INTS4: variants seen among roughly 807,000 people sequenced by gnomAD.
The protein encoded by INTS4 is MSTP093.
INTS4 carries 70 observed loss-of-function variants against 119.5 expected under a neutral mutation model. The ratio of observed to expected loss-of-function variants is 0.59; its 90% CI spans 0.48 to 0.71. INTS4 has a LOEUF of 0.71. Ranked by LOEUF, INTS4 falls within the 30% of genes least tolerant of loss-of-function variation. The pLI is 0.00. For missense variants in INTS4, 867 were observed against 1,173.2 expected, an observed-to-expected ratio of 0.74 and a Z score of 3.81; for synonymous variants, 316 against 419.6, an observed-to-expected ratio of 0.75 and a Z score of 3.02.
At position 77,962,473 on chromosome 11, in the gene INTS4, C is replaced by T. The variant is rs542821461; in HGVS notation, c.472-1335G>A. On this transcript the variant is annotated intron_variant, in intron 4 of 22. Coordinates refer to ENST00000534064, the MANE Select transcript of INTS4 (RefSeq NM_033547.4). ...GTTTTCCTCCTGCATTACCCTAGTC[C>T]AATGCTACTAAAACAAGCTATTTGC... Among the ~76,000 whole-genome samples the T allele has an allele frequency of 1.4e-4, 22 of 152,152 alleles. No homozygotes were observed. In the South Asian group the frequency reaches 4.6e-3, roughly 32 times the overall value.
chr11:77,990,484 G>A (rs758434829), intron 2 of INTS4, among the ~76,000 whole-genome samples: 6 of 151,370 alleles, frequency 4.0e-5, no homozygotes, highest in Admixed American at 2.6e-4. Flanking sequence ...TCAGGAGTTC[G>A]AGACCAGCCT....
Position 77,960,399 on chromosome 11 carries a change from A to T in INTS4, c.658-8T>A. The T allele has an allele frequency of 1.3e-6, 2 of 1,564,054 alleles. No individual in the cohort carries two copies. Among genetic ancestry groups the T allele is most frequent in the South Asian group, 1.1e-5 (1 of 88,856 alleles). On this transcript the variant is annotated splice_polypyrimidine_tract_variant and splice_region_variant and intron_variant, in intron 5 of 22. Transcript: ENST00000534064. ...TCTTTCATGGAGCTGCAACTAGATAATAAATATATAGTTTAAGTGCTTGGG... is the reference window on the plus strand; with the variant it reads ...TCTTTCATGGAGCTGCAACTAGATATTAAATATATAGTTTAAGTGCTTGGG...
intron 4 of INTS4, among the ~76,000 whole-genome samples, chr11:77,973,846 A>G (rs1379091954): frequency 6.6e-6 from 1 of 152,156 alleles, no homozygotes; most frequent in Non-Finnish European, 1.5e-5. Context: ...TTGATTTGCT[A>G]GTATTTTGTT....
chr11:77,918,914 G>A lies in INTS4; in HGVS notation c.1829C>T (p.Ser610Phe). 6.2e-7 allele frequency: 1 copy of A among 1,614,002 alleles called. No homozygotes were observed. Among genetic ancestry groups the A allele is most frequent in the Middle Eastern group, 1.7e-4 (1 of 6,056 alleles). Reference protein sequence around the residue: ...SPSIIPQEDPSQQFLQQSLER... With the variant: ...SPSIIPQEDPFQQFLQQSLER... ...AAGGCTCTGCTGCAGGAACTGCTGG[G>A]AAGGATCCTCTTGAGGTATGATGCT... Residue 610 changes from serine to phenylalanine, a missense_variant, in exon 15 of 23, where the codon TCC becomes TTC. Physicochemically the swap from Ser to Phe is radical, Grantham distance 155. Coordinates refer to ENST00000534064, the MANE Select transcript of INTS4 (RefSeq NM_033547.4).
chr11:77,916,570 C>T (rs1953209070), intron 15 of INTS4, among the ~76,000 whole-genome samples: 1 of 152,230 alleles, frequency 6.6e-6, no homozygotes, highest in African/African-American at 2.4e-5. Flanking sequence ...AGTCTGCCCT[C>T]AAAGCTCCAT....
rs534107237 is a variant in INTS4 at position 77,907,740 on chromosome 11, G to A, written c.1993C>T (p.Arg665Cys). The A allele has an allele frequency of 1.2e-5, 19 of 1,613,430 alleles. 1 individual carries two copies. The highest frequency in any genetic ancestry group is 6.6e-5 in the South Asian group (6 of 91,030). Residue 665 changes from arginine to cysteine, a missense_variant, in exon 16 of 23, where the codon CGC (arginine) becomes TGC (cysteine). Arg to Cys is a radical substitution (Grantham distance 180). Coordinates refer to ENST00000534064, the MANE Select transcript of INTS4 (RefSeq NM_033547.4). ...GVADFSATYL[R>C]CQLLLIKALQ... ...ACCTTGATGAGAAGTAGTTGACAGC[G>A]AAGATAGGTGGCAGAGAAATCAGCT...
chr11:77,910,255 A>C (rs1284682116), intron 15 of INTS4, among the ~76,000 whole-genome samples: 1 of 152,068 alleles, frequency 6.6e-6, no homozygotes, highest in Admixed American at 6.5e-5. Context: ...ATGGAATACT[A>C]TGCAGCCATA....
chr11:77,981,435 T>C (rs370121602), intron 3 of INTS4, 24 bp downstream of exon 3: 93 of 1,194,840 alleles, frequency 7.8e-5, no homozygotes, highest in Non-Finnish European at 1.0e-4. Context: ...GCTCTGACTA[T>C]AGAGCTTTTA....
At chr11:77,928,762 T>C (rs1195177044) in intron 10 of INTS4, among the ~76,000 whole-genome samples, 2 of 152,056 alleles carry the variant, frequency 1.3e-5, no homozygotes, top group Non-Finnish European at 2.9e-5. Flanking sequence ...GAAGGGAGGA[T>C]CACTTGAACC....
intron 11 of INTS4, among the ~76,000 whole-genome samples, chr11:77,925,437 G>A (rs1310615322): frequency 5.3e-5 from 8 of 152,216 alleles, no homozygotes; most frequent in South Asian, 4.1e-4. Flanking sequence ...AAATGGCACC[G>A]ATAGACTTGC....
chr11:77,964,756 A>G (rs917266171), intron 4 of INTS4, among the ~76,000 whole-genome samples: 1 of 151,888 alleles, frequency 6.6e-6, no homozygotes, highest in South Asian at 2.1e-4. Flanking sequence ...CAGGAAGGAA[A>G]GAAGAGAGGG....
intron 15 of INTS4, chr11:77,918,016 G>A (rs1405932639): frequency 1.4e-6 from 1 of 701,750 alleles, no homozygotes; most frequent in Non-Finnish European, 2.6e-6. Flanking sequence ...ACAAACCACA[G>A]GGTGGAGATG....
intron 4 of INTS4, chr11:77,978,602 G>GA (rs970939284): frequency 6.5e-6 from 1 of 152,830 alleles, no homozygotes; most frequent in South Asian, 2.1e-4. Context: ...TTTGGGGTCA[G>GA]AAAAAATACA....
At chr11:77,878,377 A>T (rs1025251721), downstream of INTS4, among the ~76,000 whole-genome samples, 1 of 151,746 alleles carries the variant, frequency 6.6e-6, no homozygotes, top group African/African-American at 2.4e-5. Flanking sequence ...AAAAAAAAAA[A>T]TTTCCTCAAA....
rs530101796 is a variant in INTS4 at position 77,881,422 on chromosome 11, A to C, written c.2714-2295T>G. On this transcript the variant is annotated intron_variant, in intron 22 of 22. Coordinates refer to ENST00000534064, the MANE Select transcript of INTS4 (RefSeq NM_033547.4). ...ACCTAGATTAGGAGAAAGAAACTGC[A>C]AGCTCATTTACAATGAGACATATTT... Among the ~76,000 whole-genome samples, 11 of 152,316 alleles carry C rather than the reference A, an allele frequency of 7.2e-5. 1 individual carries two copies. In the South Asian group the frequency reaches 2.3e-3, roughly 32 times the overall value.
At chr11:77,958,227 AAG>A (rs772201319) in intron 7 of INTS4, among the ~76,000 whole-genome samples, 126 of 151,270 alleles carry the variant, frequency 8.3e-4, no homozygotes, top group Admixed American at 1.6e-3. Context: ...TTATAAATAA[AAG>A]ATAAATAAAC....
At chr11:77,876,885 G>A (rs1951610209), downstream of INTS4, 2 of 674,650 alleles carry the variant, frequency 3.0e-6, no homozygotes, top group African/African-American at 3.6e-5. Context: ...TCCCTTAGAA[G>A]GTTTTCTATA....
chr11:77,928,483 C>T lies in INTS4; in HGVS notation c.1230G>A (p.Glu410=), dbSNP rs1401688755. Residue 410 remains glutamate, a synonymous_variant, in exon 11 of 23, where the codon GAG becomes GAA. Coordinates refer to ENST00000534064, the MANE Select transcript of INTS4 (RefSeq NM_033547.4). ...MLAQSSPSFA[E]KCLDFLVDMF... is the part of the protein sequence containing the mutation. ...TGTCAACTAGGAAATCAAGGCACTT[C>T]TCAGCAAAAGAGGGTGAAGACTGGG... 1 of 1,608,822 alleles carries T rather than the reference C, an allele frequency of 6.2e-7. No homozygotes were observed. The highest frequency in any genetic ancestry group is 1.1e-5 in the South Asian group (1 of 90,228).
chr11:77,972,194 G>C (rs890944086), intron 4 of INTS4, among the ~76,000 whole-genome samples: 1 of 152,084 alleles, frequency 6.6e-6, no homozygotes, highest in African/African-American at 2.4e-5. Context: ...AACCTCCCAG[G>C]CTTAAGCAAT....
Sources: gnomAD v4.1 joint callset for allele counts (sites outside exome capture counted in the v4.1 genomes callset) on GRCh38, gnomAD v4.1.1 for gene constraint, MANE v1.5 for transcripts, NCBI Gene and HGNC (gene_info 2026-07-23, HGNC 2026-07-21) for gene names.